The following MRPL13 variants were observed in gnomAD, a reference collection of about 807,000 sequenced individuals.
The protein encoded by MRPL13 is mitochondrial ribosomal protein L13.
Under a neutral mutation model 29.0 loss-of-function variants are expected in MRPL13, and 33 were observed. That is an observed-to-expected ratio of 1.14 (90% CI 0.86 to 1.52). The LOEUF (loss-of-function observed/expected upper bound fraction) is 1.52, where lower values mean the gene tolerates loss of function less well. Among genes scored for constraint, MRPL13 ranks in the 40% most tolerant of loss-of-function variants. MRPL13 has a pLI of 0.00. For missense variants in MRPL13, 227 were observed against 216.7 expected, an observed-to-expected ratio of 1.05 and a Z score of -0.30; for synonymous variants, 77 against 68.4, an observed-to-expected ratio of 1.13 and a Z score of -0.62.
chr8:120,430,161 C>T (rs904766363), intron 3 of MRPL13, among the ~76,000 whole-genome samples: 4 of 152,128 alleles, frequency 2.6e-5, no homozygotes, highest in African/African-American at 7.2e-5. Context: ...ACTCAGGAGG[C>T]TGAGGCAGGA....
chr8:120,423,042 G>A (rs1812891636), intron 4 of MRPL13, among the ~76,000 whole-genome samples: 1 of 151,792 alleles, frequency 6.6e-6, no homozygotes, highest in Non-Finnish European at 1.5e-5. Flanking sequence ...AAATATAAGA[G>A]TGAACCAAAA....
chr8:120,415,738 C>G (rs907184155), intron 5 of MRPL13: 3 of 152,074 alleles, frequency 2.0e-5, no homozygotes, highest in Admixed American at 2.0e-4. Context: ...ATATTCAAAT[C>G]TGCACAATAA....
chr8:120,400,937 C>G (rs2130449591), intron 6 of MRPL13, among the ~76,000 whole-genome samples: 1 of 152,048 alleles, frequency 6.6e-6, no homozygotes, highest in South Asian at 2.1e-4. Flanking sequence ...CAAAAACCCT[C>G]CAAAGACTGA....
intron 4 of MRPL13, among the ~76,000 whole-genome samples, chr8:120,421,530 T>A (rs1193118569): frequency 6.6e-6 from 1 of 151,916 alleles, no homozygotes; most frequent in East Asian, 1.9e-4. Flanking sequence ...GGCAGAGGCC[T>A]ACTATTCCAG....
intron 6 of MRPL13, among the ~76,000 whole-genome samples, chr8:120,411,429 A>G (rs1187791453): frequency 1.3e-5 from 2 of 152,018 alleles, no homozygotes; most frequent in Non-Finnish European, 2.9e-5. Flanking sequence ...ATGATCATCT[A>G]TTTCTTAGAT....
At chr8:120,397,018 A>C (rs1411469453) in intron 6 of MRPL13, among the ~76,000 whole-genome samples, 15 of 152,220 alleles carry the variant, frequency 9.9e-5, no homozygotes, top group Non-Finnish European at 2.1e-4. Context: ...GAAAGAACTA[A>C]GGAAATCAGG....
At chr8:120,418,863 C>T (rs1294240319) in intron 5 of MRPL13, among the ~76,000 whole-genome samples, 1 of 151,752 alleles carries the variant, frequency 6.6e-6, no homozygotes, top group African/African-American at 2.4e-5. Flanking sequence ...TCACTTATAG[C>T]GAAGACAATA....
chr8:120,441,439 G>A (rs1354485425), intron 2 of MRPL13, among the ~76,000 whole-genome samples: 1 of 152,152 alleles, frequency 6.6e-6, no homozygotes, highest in Non-Finnish European at 1.5e-5. Context: ...GAGCATTTGA[G>A]AGTTTAGAAG....
intron 2 of MRPL13, among the ~76,000 whole-genome samples, chr8:120,432,750 C>G (rs1813009483): frequency 6.6e-6 from 1 of 151,970 alleles, no homozygotes; most frequent in South Asian, 2.1e-4. Flanking sequence ...ACCTGAAAAT[C>G]AAAATATGTG....
chr8:120,437,901 T>G (rs367794155), intron 2 of MRPL13, among the ~76,000 whole-genome samples: 4 of 152,206 alleles, frequency 2.6e-5, no homozygotes, highest in African/African-American at 9.6e-5. Context: ...TTATAGTGAT[T>G]ATAAGCCCAT....
intron 2 of MRPL13, among the ~76,000 whole-genome samples, chr8:120,435,280 T>C (rs950781356): frequency 2.0e-5 from 3 of 152,088 alleles, no homozygotes; most frequent in Admixed American, 1.3e-4. Context: ...AAATTGCATG[T>C]CATGGGGGTT....
At chr8:120,406,429 A>G (rs1812668353) in intron 6 of MRPL13, among the ~76,000 whole-genome samples, 2 of 152,122 alleles carry the variant, frequency 1.3e-5, no homozygotes, top group Admixed American at 6.6e-5. Context: ...GATTCCATTC[A>G]TGCATTCATT....
intron 6 of MRPL13, among the ~76,000 whole-genome samples, chr8:120,413,356 C>A (rs1269698702): frequency 6.6e-6 from 1 of 152,074 alleles, no homozygotes; most frequent in Admixed American, 6.6e-5. Flanking sequence ...TAGAGTAAAT[C>A]AGTAAATGGA....
intron 6 of MRPL13, among the ~76,000 whole-genome samples, chr8:120,407,284 A>T (rs1374154460): frequency 1.3e-5 from 2 of 152,198 alleles, no homozygotes; most frequent in Non-Finnish European, 2.9e-5. Flanking sequence ...TGTATTATAA[A>T]ATGGTAGGAA....
intron 4 of MRPL13, among the ~76,000 whole-genome samples, chr8:120,420,274 A>G (rs1812854471): frequency 6.6e-6 from 1 of 151,210 alleles, no homozygotes; most frequent in Non-Finnish European, 1.5e-5. Flanking sequence ...CTAAAACAAT[A>G]CATGTTAGAA....
intron 4 of MRPL13, among the ~76,000 whole-genome samples, chr8:120,421,222 G>A (rs1479544640): frequency 2.6e-5 from 4 of 151,824 alleles, no homozygotes; most frequent in Non-Finnish European, 4.4e-5. Flanking sequence ...GAGGAACCAT[G>A]TTAGAAGAAA....
rs191588615 is a variant in MRPL13, at chr8:120,437,819, G to A, written c.151+5366C>T. Among the ~76,000 whole-genome samples the A allele has an allele frequency of 1.1e-4, 16 of 152,026 alleles. No individual in the cohort carries two copies. The East Asian group carries it at 1.7e-3, about 17-fold the overall frequency. ...TATTTGTTAATTTTTACAACCATTT[G>A]TAGAACAATGATCATCATTTGTAAT... is the stretch of plus-strand genomic sequence containing the variant. On this transcript the variant is annotated intron_variant, in intron 2 of 6. Coordinates refer to ENST00000306185, the MANE Select transcript of MRPL13 (RefSeq NM_014078.6).
intron 2 of MRPL13, among the ~76,000 whole-genome samples, chr8:120,438,130 G>A (rs1813076095): frequency 1.3e-5 from 2 of 152,200 alleles, no homozygotes; most frequent in Admixed American, 6.5e-5. Context: ...TTGTGAGGCT[G>A]AGGTGAGTGG....
chr8:120,407,571 G>A (rs1320728068), intron 6 of MRPL13, among the ~76,000 whole-genome samples: 1 of 151,820 alleles, frequency 6.6e-6, no homozygotes, highest in Admixed American at 6.6e-5. Context: ...GCTTGAACCC[G>A]GGAGGCAGAG....
Sources: gnomAD v4.1 joint callset for allele counts (sites outside exome capture counted in the v4.1 genomes callset) on GRCh38, gnomAD v4.1.1 for gene constraint, MANE v1.5 for transcripts, NCBI Gene and HGNC (gene_info 2026-07-23, HGNC 2026-07-21) for gene names.